Variants in MEIOB observed in about 807,000 individuals in gnomAD.
MEIOB encodes meiosis-specific with OB domain-containing protein.
A neutral mutation model predicts 53.1 loss-of-function variants in MEIOB; 50 were observed. The ratio of observed to expected loss-of-function variants is 0.94; its 90% CI spans 0.75 to 1.19. The LOEUF is 1.19. Among genes scored for constraint, MEIOB ranks in the 50% most tolerant of loss-of-function variants. MEIOB has a pLI of 0.00. For missense variants in MEIOB, 551 were observed against 550.8 expected, an observed-to-expected ratio of 1.00 and a Z score of 0.00; for synonymous variants, 192 against 182.5, an observed-to-expected ratio of 1.05 and a Z score of -0.42.
chr16:1,854,447 A>G (rs1899247473), intron 6 of MEIOB, among the ~76,000 whole-genome samples: 1 of 152,234 alleles, frequency 6.6e-6, no homozygotes, highest in South Asian at 2.1e-4. Flanking sequence ...GTAGAGACTG[A>G]AAGTCTTTTT....
intron 3 of MEIOB, among the ~76,000 whole-genome samples, chr16:1,864,812 A>C (rs948797418): frequency 3.3e-5 from 5 of 152,074 alleles, no homozygotes; most frequent in African/African-American, 1.2e-4. Context: ...CATTTTTATA[A>C]TTTTAGCAAG....
chr16:1,864,091 G>A (rs1476013562), intron 3 of MEIOB, among the ~76,000 whole-genome samples: 1 of 152,188 alleles, frequency 6.6e-6, no homozygotes, highest in African/African-American at 2.4e-5. Flanking sequence ...GGTTGAGGCT[G>A]CAGTGAGCTG....
At chr16:1,835,199 A>G (rs1429871589) in intron 13 of MEIOB, among the ~76,000 whole-genome samples, 2 of 152,026 alleles carry the variant, frequency 1.3e-5, no homozygotes, top group Non-Finnish European at 2.9e-5. Flanking sequence ...AGGCTGCAGT[A>G]AGCTGTGATC....
Position 1,862,078 on chromosome 16 carries a change from G to C in MEIOB, c.166C>G (p.Arg56Gly). 1 of 1,551,204 alleles carries C rather than the reference G, an allele frequency of 6.4e-7. No homozygotes were observed. ...SERYTFSFTIRDSPAHFVNAA... is the reference protein window; with the variant it reads ...SERYTFSFTIGDSPAHFVNAA... ...TTTACAAAATGTGCTGGTGAATCCC[G>C]AATGGTGAAGCTGAAAGTGTACCTT... is the stretch of plus-strand genomic sequence containing the variant. The change falls in exon 4 of 14, where the codon CGG (arginine) becomes GGG (glycine). Residue 56 changes from arginine to glycine, a missense_variant. Transcript: ENST00000325962.
chr16:1,843,179 C>A (rs935036129), intron 10 of MEIOB, among the ~76,000 whole-genome samples: 6 of 151,234 alleles, frequency 4.0e-5, no homozygotes, highest in African/African-American at 1.5e-4. Context: ...TGTCGTCCCA[C>A]CTACTCCAGA....
intron 5 of MEIOB, among the ~76,000 whole-genome samples, chr16:1,859,528 G>A (rs944224744): frequency 1.3e-5 from 2 of 152,110 alleles, no homozygotes; most frequent in African/African-American, 4.8e-5. Context: ...GCAACAGAGT[G>A]GGACTCTGTC....
At chr16:1,838,035 C>T (rs1387719592) in intron 12 of MEIOB, 165 bp from the exon 13 acceptor site, 27 of 1,348,166 alleles carry the variant, frequency 2.0e-5, no homozygotes, top group African/African-American at 1.3e-4. Context: ...CTCACTCTGT[C>T]GCCCAAGCTG....
intron 13 of MEIOB, 148 bp from the exon 14 acceptor site, chr16:1,834,514 A>G (rs1277088329): frequency 1.9e-6 from 1 of 537,534 alleles, no homozygotes; most frequent in East Asian, 3.1e-5. Flanking sequence ...GAGCTGTAAG[A>G]TGATGGGAAG....
chr16:1,864,988 G>C (rs1484740819), intron 3 of MEIOB, among the ~76,000 whole-genome samples: 1 of 152,160 alleles, frequency 6.6e-6, no homozygotes, highest in Non-Finnish European at 1.5e-5. Flanking sequence ...CCAGATGACA[G>C]CTTGGTTATT....
chr16:1,846,975 T>C (rs1267745968), intron 9 of MEIOB, among the ~76,000 whole-genome samples: 1 of 151,844 alleles, frequency 6.6e-6, no homozygotes, highest in East Asian at 1.9e-4. Context: ...GCCAACATGG[T>C]GAAACCCCGT....
intron 1 of MEIOB, among the ~76,000 whole-genome samples, chr16:1,868,851 T>C (rs974647147): frequency 6.6e-6 from 1 of 151,874 alleles, no homozygotes; most frequent in Admixed American, 6.6e-5. Flanking sequence ...CGACACTCCA[T>C]CTCAAAGAAT....
At chr16:1,864,645 T>C (rs1286948938) in intron 3 of MEIOB, among the ~76,000 whole-genome samples, 1 of 151,944 alleles carries the variant, frequency 6.6e-6, no homozygotes, top group Admixed American at 6.6e-5. Context: ...CCTGCCACCA[T>C]GCCTGACTAA....
At chr16:1,842,661 C>A in intron 10 of MEIOB, among the ~76,000 whole-genome samples, 1 of 144,650 alleles carries the variant, frequency 6.9e-6, no homozygotes, top group African/African-American at 2.5e-5. Flanking sequence ...TTATTATTTT[C>A]ATTTTTATTT....
intron 9 of MEIOB, among the ~76,000 whole-genome samples, chr16:1,852,561 T>C (rs1469840334): frequency 6.6e-6 from 1 of 150,638 alleles, no homozygotes; most frequent in Admixed American, 6.6e-5. Context: ...GCGCCAGCCT[T>C]GTTTTTTTTT....
chr16:1,860,431 CTCTT>C lies in MEIOB; in HGVS notation c.300_303del (p.Arg101LysfsTer23), dbSNP rs1899413540. 3 of 1,547,212 alleles carry C rather than the reference CTCTT, an allele frequency of 1.9e-6. No homozygotes were observed. Among genetic ancestry groups the C allele is most frequent in the East Asian group, 2.4e-5 (1 of 40,830 alleles). On this transcript the variant is annotated frameshift_variant, in exon 5 of 14. Transcript: ENST00000325962. LOFTEE classifies it high-confidence loss of function. Reference sequence around the variant, plus strand: ...GGAGTTGCAGGGCTGAATTTTTCTTCTCTTTCTATTTCCTTTCTTTGGATCAGAG... The same window carrying C: ...GGAGTTGCAGGGCTGAATTTTTCTTCTCTATTTCCTTTCTTTGGATCAGAG...
intron 11 of MEIOB, chr16:1,839,641 C>CTG (rs1898847609): frequency 4.0e-6 from 2 of 496,874 alleles, no homozygotes; most frequent in Non-Finnish European, 7.0e-6. Context: ...TCATCTGAAA[C>CTG]TGCGTACACC....
At chr16:1,838,059 C>T in intron 12 of MEIOB, 189 bp from the exon 13 acceptor site, 2 of 1,097,722 alleles carry the variant, frequency 1.8e-6, no homozygotes, top group Non-Finnish European at 2.6e-6. Context: ...TGCAGCAGTG[C>T]TATCACAGCT....
At chr16:1,856,742 G>A (rs977789487) in intron 6 of MEIOB, among the ~76,000 whole-genome samples, 1 of 144,672 alleles carries the variant, frequency 6.9e-6, no homozygotes. Flanking sequence ...TTACAGGCAT[G>A]AGCCACCACG....
chr16:1,853,820 T>C (rs1048046401), intron 7 of MEIOB, among the ~76,000 whole-genome samples: 5 of 152,308 alleles, frequency 3.3e-5, no homozygotes, highest in Admixed American at 3.3e-4. Context: ...GCTTGTTCCA[T>C]GGGACCTAAT....
Sources: gnomAD v4.1 joint callset for allele counts (sites outside exome capture counted in the v4.1 genomes callset) on GRCh38, gnomAD v4.1.1 for gene constraint, MANE v1.5 for transcripts, NCBI Gene and HGNC (gene_info 2026-07-23, HGNC 2026-07-21) for gene names.